Variants in L3MBTL4 observed in about 807,000 individuals in gnomAD.
L3MBTL4 encodes L3MBTL histone methyl-lysine binding protein 4.
A neutral mutation model predicts 84.5 loss-of-function variants in L3MBTL4; 70 were observed. That is an observed-to-expected ratio of 0.83 (90% CI 0.68 to 1.01). The LOEUF (loss-of-function observed/expected upper bound fraction) is 1.01, where lower values mean the gene tolerates loss of function less well. L3MBTL4 is among the 50% of genes least tolerant of loss of function. The pLI, the probability that L3MBTL4 is intolerant of heterozygous loss-of-function variation, is 0.00. For synonymous variants in L3MBTL4, 274 were observed against 259.8 expected, an observed-to-expected ratio of 1.05 and a Z score of -0.52; for missense variants, 715 against 754.8, an observed-to-expected ratio of 0.95 and a Z score of 0.62.
rs2056132239 is a variant in L3MBTL4 at position 6,414,835 on chromosome 18, C to T, written c.-125G>A. The T allele has an allele frequency of 6.6e-6, 1 of 150,860 alleles. No individual in the cohort carries two copies. Among genetic ancestry groups the T allele is most frequent in the African/African-American group, 2.4e-5 (1 of 41,276 alleles). 9.3% of individuals were successfully genotyped at this position (150,860 alleles called of 1,614,324 possible). On this transcript the variant is annotated 5_prime_UTR_variant, in exon 1 of 19. Transcript: ENST00000317931. This position sits in a 1 kb window ranked among gnomAD's most constrained non-coding sequence, Gnocchi z 5.4. ...AGCGGCGCCTGCCCGCAACGCCGACCGAGCTACAGGCGGGGGGCGAGTCGG... is the reference window on the plus strand; with the variant it reads ...AGCGGCGCCTGCCCGCAACGCCGACTGAGCTACAGGCGGGGGGCGAGTCGG...
At chr18:6,183,213 G>T (rs2044559958) in intron 12 of L3MBTL4, among the ~76,000 whole-genome samples, 1 of 152,098 alleles carries the variant, frequency 6.6e-6, no homozygotes, top group Admixed American at 6.6e-5. Context: ...GCCCTACTTG[G>T]GGCTCTGCGA....
intron 16 of L3MBTL4, among the ~76,000 whole-genome samples, chr18:6,070,595 T>C (rs114654565): frequency 0.01 from 1,525 of 150,292 alleles, 26 homozygotes; most frequent in African/African-American, 0.036. Flanking sequence ...AGTGGGCAGA[T>C]TGTTTGAACC....
intron 14 of L3MBTL4, among the ~76,000 whole-genome samples, chr18:6,104,881 G>A (rs554836187): frequency 4.2e-4 from 64 of 152,104 alleles, no homozygotes; most frequent in African/African-American, 1.1e-3. Flanking sequence ...TTAACACATC[G>A]AAGGCAAATG....
intron 12 of L3MBTL4, among the ~76,000 whole-genome samples, chr18:6,198,152 T>C (rs1026103116): frequency 2.6e-5 from 4 of 152,208 alleles, no homozygotes; most frequent in Non-Finnish European, 5.9e-5. Flanking sequence ...GTGGCCAACA[T>C]ATCTTCACAA....
chr18:6,262,513 A>C (rs2048451669), intron 5 of L3MBTL4, among the ~76,000 whole-genome samples: 1 of 152,156 alleles, frequency 6.6e-6, no homozygotes, highest in Non-Finnish European at 1.5e-5. Flanking sequence ...TCCTAGACAG[A>C]AACTGTACAG....
chr18:5,976,228 C>A (rs1178788980), intron 16 of L3MBTL4, among the ~76,000 whole-genome samples: 1 of 152,196 alleles, frequency 6.6e-6, no homozygotes, highest in African/African-American at 2.4e-5. Flanking sequence ...TGTAAAATAT[C>A]TCCTTAATAA....
chr18:6,402,340 G>T (rs534524706), intron 1 of L3MBTL4, among the ~76,000 whole-genome samples: 3 of 152,248 alleles, frequency 2.0e-5, no homozygotes, highest in African/African-American at 7.2e-5. Flanking sequence ...TCCTAAGTAC[G>T]CTTACAATTC....
chr18:6,316,122 A>C (rs139148294), intron 1 of L3MBTL4, among the ~76,000 whole-genome samples: 5 of 143,262 alleles, frequency 3.5e-5, no homozygotes, highest in African/African-American at 1.3e-4. Flanking sequence ...CAGTTACGTC[A>C]CTCTCACGGA....
chr18:6,162,249 A>T (rs181808035), intron 13 of L3MBTL4, among the ~76,000 whole-genome samples: 226 of 152,296 alleles, frequency 1.5e-3, no homozygotes, highest in African/African-American at 5.3e-3. Flanking sequence ...TATAAAATAT[A>T]GAGTAGATTC....
chr18:6,005,760 C>T, intron 16 of L3MBTL4, among the ~76,000 whole-genome samples: 1 of 152,046 alleles, frequency 6.6e-6, no homozygotes, highest in Non-Finnish European at 1.5e-5. Flanking sequence ...TAGGTTGATT[C>T]CACATTTTCG....
At chr18:6,412,359 A>G (rs543763599) in intron 1 of L3MBTL4, among the ~76,000 whole-genome samples, 1 of 152,156 alleles carries the variant, frequency 6.6e-6, no homozygotes, top group African/African-American at 2.4e-5. Flanking sequence ...TTCTTTCTTA[A>G]TTATAATAAT....
intron 13 of L3MBTL4, among the ~76,000 whole-genome samples, chr18:6,151,623 G>C (rs1045918317): frequency 6.6e-6 from 1 of 152,090 alleles, no homozygotes; most frequent in African/African-American, 2.4e-5. Flanking sequence ...TCCAACTCCT[G>C]ACCTCAGGTG....
chr18:6,136,071 C>T (rs963963952), intron 14 of L3MBTL4, among the ~76,000 whole-genome samples: 7 of 152,170 alleles, frequency 4.6e-5, no homozygotes, highest in Non-Finnish European at 7.3e-5. Flanking sequence ...AAAGTGGAAA[C>T]CCCTGATAAA....
intron 1 of L3MBTL4, among the ~76,000 whole-genome samples, chr18:6,394,322 G>C (rs889522962): frequency 2.6e-5 from 4 of 151,970 alleles, no homozygotes; most frequent in African/African-American, 9.7e-5. Flanking sequence ...GCAAAAATTA[G>C]CCGAGTATGG....
intron 16 of L3MBTL4, among the ~76,000 whole-genome samples, chr18:6,056,531 T>C (rs992058908): frequency 1.4e-4 from 22 of 152,180 alleles, no homozygotes; most frequent in Admixed American, 2.0e-4. Context: ...GTGCCTTATT[T>C]TTAATGCCCT....
intron 5 of L3MBTL4, among the ~76,000 whole-genome samples, chr18:6,257,433 G>A (rs375570839): frequency 1.7e-3 from 259 of 152,004 alleles, no homozygotes; most frequent in African/African-American, 6.1e-3. Flanking sequence ...GTCAGGTTGC[G>A]GAGGCTGGAG....
At chr18:6,153,629 G>A (rs550293901) in intron 13 of L3MBTL4, among the ~76,000 whole-genome samples, 21 of 152,076 alleles carry the variant, frequency 1.4e-4, no homozygotes, top group Admixed American at 3.9e-4. Context: ...GGTTTGGCTC[G>A]GTGTCCCCAC....
chr18:6,139,825 C>G (rs527699619), intron 13 of L3MBTL4, among the ~76,000 whole-genome samples: 1 of 152,132 alleles, frequency 6.6e-6, no homozygotes, highest in Admixed American at 6.5e-5. Context: ...CTCCTCAGGG[C>G]CACACCTCTG....
chr18:6,389,315 A>T (rs1337813796), intron 1 of L3MBTL4, among the ~76,000 whole-genome samples: 1 of 152,086 alleles, frequency 6.6e-6, no homozygotes, highest in Non-Finnish European at 1.5e-5. Flanking sequence ...TTGAAACAAA[A>T]GCTCAATCTA....
Sources: allele counts gnomAD v4.1 joint callset (sites outside exome capture counted in the v4.1 genomes callset), GRCh38; gene constraint gnomAD v4.1.1; non-coding constraint Gnocchi (gnomAD v3.1); transcripts MANE v1.5; gene names NCBI Gene and HGNC (gene_info 2026-07-23, HGNC 2026-07-21).